FOCAD: variants seen among roughly 807,000 people sequenced by gnomAD.
FOCAD encodes KIAA1797.
FOCAD carries 198 observed loss-of-function variants against 225.6 expected under a neutral mutation model. The observed-to-expected ratio is 0.88, with a 90% CI of 0.78 to 0.99. The LOEUF (loss-of-function observed/expected upper bound fraction) is 0.99. Among genes scored for constraint, FOCAD ranks in the 50% least tolerant of loss-of-function variants. The pLI is 0.00. For synonymous variants in FOCAD, 897 were observed against 755.0 expected (o/e 1.19, Z -3.08); for missense variants, 2,713 against 2,123.6 (o/e 1.28, Z -5.46).
intron 5 of FOCAD, among the ~76,000 whole-genome samples, chr9:20,754,759 C>T (rs1828894577): frequency 6.6e-6 from 1 of 151,988 alleles, no homozygotes; most frequent in Non-Finnish European, 1.5e-5. Context: ...GGGATGCTGC[C>T]AAGCATTCCA....
chr9:20,874,572 A>G, intron 18 of FOCAD, 109 bp from the exon 19 acceptor site: 3 of 1,097,102 alleles, frequency 2.7e-6, no homozygotes, highest in Non-Finnish European at 3.9e-6. Context: ...TTATAGAGTG[A>G]TGGAGTCTAA....
Position 20,822,997 on chromosome 9 carries a change from A to G in FOCAD, c.1802A>G (p.Gln601Arg). ...IRDICKQRPY[Q>R]HGADMLAAIS... is the part of the protein sequence containing the mutation. ...ACTTTCATTTCTTGTAGGCCATATC[A>G]ACATGGTGCAGATATGTTGGCAGCT... The change falls in exon 15 of 44, where the codon CAA becomes CGA. Residue 601 changes from glutamine to arginine, a missense_variant. Physicochemically the swap from Gln to Arg is conservative, Grantham distance 43. Transcript: ENST00000338382. The G allele has an allele frequency of 6.3e-7, 1 of 1,593,546 alleles. No homozygotes were observed.
chr9:20,969,137 G>T (rs992213108), intron 35 of FOCAD, among the ~76,000 whole-genome samples: 1 of 151,972 alleles, frequency 6.6e-6, no homozygotes, highest in African/African-American at 2.4e-5. Flanking sequence ...AAAATACTTG[G>T]TATGGTTTTA....
chr9:20,977,949 A>G (rs1840359033), intron 36 of FOCAD, among the ~76,000 whole-genome samples: 1 of 152,218 alleles, frequency 6.6e-6, no homozygotes, highest in Non-Finnish European at 1.5e-5. Context: ...ATGTGGCTCT[A>G]TCTTTAAGCC....
In FOCAD at chr9:20,720,488, T is replaced by G; in HGVS notation, c.241T>G (p.Phe81Val). ...VALVAQDHAE[F>V]SYVLNGILNL... ...ACTCGTTGCTCAGGATCATGCAGAGTTCAGCTATGTTCTCAATGGGATACT... is the reference window on the plus strand; with the variant it reads ...ACTCGTTGCTCAGGATCATGCAGAGGTCAGCTATGTTCTCAATGGGATACT... The change falls in exon 4 of 44, where the codon TTC becomes GTC. Residue 81 changes from phenylalanine (F) to valine (V), a missense_variant. Physicochemically the swap from Phe to Val is conservative, Grantham distance 50 (BLOSUM62 -1). Coordinates refer to ENST00000338382, the MANE Select transcript of FOCAD (RefSeq NM_001375567.1). The G allele has an allele frequency of 6.2e-7, 1 of 1,613,952 alleles. No homozygotes were observed. The highest frequency in any genetic ancestry group is 1.1e-5 in the South Asian group (1 of 91,074).
intron 6 of FOCAD, among the ~76,000 whole-genome samples, chr9:20,763,213 T>C (rs998427495): frequency 1.1e-4 from 16 of 152,360 alleles, no homozygotes; most frequent in Non-Finnish European, 2.1e-4. Context: ...TGAGCATCTC[T>C]TTGAAGGCCT....
intron 11 of FOCAD, among the ~76,000 whole-genome samples, chr9:20,806,102 T>C (rs1389522413): frequency 2.0e-5 from 3 of 152,220 alleles, no homozygotes; most frequent in Admixed American, 2.0e-4. Flanking sequence ...ACTCTTGCCA[T>C]GTCATTTACT....
chr9:20,924,085 G>A (rs74320917), intron 25 of FOCAD, among the ~76,000 whole-genome samples: 4,866 of 152,220 alleles, frequency 0.032, 308 homozygotes, highest in Admixed American at 0.16. Flanking sequence ...GAACAATGCC[G>A]TCAAAATGAT....
At chr9:20,721,725 GA>G (rs1825780790) in intron 4 of FOCAD, among the ~76,000 whole-genome samples, 1 of 152,022 alleles carries the variant, frequency 6.6e-6, no homozygotes, top group Non-Finnish European at 1.5e-5. Context: ...AAAATTTGTG[GA>G]AAGATTCCTG....
At chr9:20,906,485 G>A (rs1832990354) in intron 21 of FOCAD, among the ~76,000 whole-genome samples, 1 of 152,032 alleles carries the variant, frequency 6.6e-6, no homozygotes, top group African/African-American at 2.4e-5. Context: ...TTGCAAGATA[G>A]CCATGTACTA....
At chr9:20,701,643 A>G (rs1369875593) in intron 1 of FOCAD, among the ~76,000 whole-genome samples, 1 of 152,234 alleles carries the variant, frequency 6.6e-6, no homozygotes, top group Non-Finnish European at 1.5e-5. Flanking sequence ...TGAACAGTCA[A>G]TGATGAAATA....
chr9:20,672,779 A>G (rs1196647495), intron 2 of FOCAD, among the ~76,000 whole-genome samples: 1 of 152,208 alleles, frequency 6.6e-6, no homozygotes, highest in Non-Finnish European at 1.5e-5. Flanking sequence ...AAAATAACCA[A>G]AGAACCACAG....
Position 20,919,324 on chromosome 9 carries a change from C to T in FOCAD, c.2852+2387C>T, listed in dbSNP as rs191840162. ...TGAATGAAATAAAAGACGATACAAACAAATGGAAGAACATTCCATGTTCCT... is the reference window on the plus strand; with the variant it reads ...TGAATGAAATAAAAGACGATACAAATAAATGGAAGAACATTCCATGTTCCT... On this transcript the variant is annotated intron_variant, in intron 24 of 43. Coordinates refer to ENST00000338382, the MANE Select transcript of FOCAD (RefSeq NM_001375567.1). 2.9e-3 allele frequency among the ~76,000 whole-genome samples: 438 copies of T among 152,300 alleles called. 1 individual carries two copies. The highest frequency in any genetic ancestry group is 0.02 in the Middle Eastern group (6 of 294).
At chr9:20,716,765 AATTG>A (rs1469910290) in intron 2 of FOCAD, among the ~76,000 whole-genome samples, 1 of 152,100 alleles carries the variant, frequency 6.6e-6, no homozygotes, top group Non-Finnish European at 1.5e-5. Flanking sequence ...TGCCTCTAGT[AATTG>A]ATGGCAGCAG....
At chr9:20,893,214 G>A (rs1831778420) in intron 21 of FOCAD, among the ~76,000 whole-genome samples, 1 of 151,760 alleles carries the variant, frequency 6.6e-6, no homozygotes, top group South Asian at 2.1e-4. Flanking sequence ...TTAAAACTAA[G>A]GTATGTACAT....
In FOCAD at chr9:20,804,654, G is replaced by A. The variant is rs180816191; in HGVS notation, c.1455+15046G>A. 5.9e-4 allele frequency among the ~76,000 whole-genome samples: 90 copies of A among 152,232 alleles called. 1 individual carries two copies. The South Asian group carries it at 0.012, about 20-fold the overall frequency. On this transcript the variant is annotated intron_variant, in intron 11 of 43. Transcript: ENST00000338382. ...GTGTGAAACCAACCATGCTTCAGGG[G>A]GAAAAATTAAATCGCCTGATTGAGA... is the stretch of plus-strand genomic sequence containing the variant.
intron 1 of FOCAD, among the ~76,000 whole-genome samples, chr9:20,694,190 G>T (rs373235061): frequency 6.6e-6 from 1 of 152,172 alleles, no homozygotes; most frequent in East Asian, 1.9e-4. Flanking sequence ...ACAAAGCAAA[G>T]CTGAAACAGG....
At chr9:20,853,708 A>G (rs1231595566) in intron 15 of FOCAD, among the ~76,000 whole-genome samples, 1 of 151,792 alleles carries the variant, frequency 6.6e-6, no homozygotes, top group East Asian at 1.9e-4. Flanking sequence ...AGTTTTAAAA[A>G]GGTACCTCAA....
intron 8 of FOCAD, among the ~76,000 whole-genome samples, chr9:20,773,390 T>C (rs376068578): frequency 1.2e-3 from 186 of 152,358 alleles, no homozygotes; most frequent in African/African-American, 4.2e-3. Flanking sequence ...CCTAATGATA[T>C]TGAATTAGCA....
Sources: allele counts gnomAD v4.1 joint callset (sites outside exome capture counted in the v4.1 genomes callset), GRCh38; gene constraint gnomAD v4.1.1; transcripts MANE v1.5; gene names NCBI Gene and HGNC (gene_info 2026-07-23, HGNC 2026-07-21).